CNTN5: variants seen among roughly 807,000 people sequenced by gnomAD.
The protein encoded by CNTN5 is contactin 5.
CNTN5 carries 77 observed loss-of-function variants against 129.1 expected under a neutral mutation model. That is an observed-to-expected ratio of 0.60 (90% CI 0.50 to 0.72). CNTN5 has a LOEUF of 0.72. CNTN5 is among the 30% of genes least tolerant of loss of function. The pLI, the probability that CNTN5 is intolerant of heterozygous loss-of-function variation, is 0.00. For missense variants in CNTN5, 1,478 were observed against 1,328.8 expected (o/e 1.11, Z -1.75); for synonymous variants, 509 against 465.6 (o/e 1.09, Z -1.20).
At chr11:99,535,200 T>A (rs554076778) in intron 2 of CNTN5, among the ~76,000 whole-genome samples, 2 of 152,290 alleles carry the variant, frequency 1.3e-5, no homozygotes, top group East Asian at 3.9e-4. Flanking sequence ...GTGGCATTAT[T>A]GAAAGACAAG....
At chr11:99,762,343 G>T (rs1252846939) in intron 3 of CNTN5, among the ~76,000 whole-genome samples, 3 of 151,844 alleles carry the variant, frequency 2.0e-5, no homozygotes, top group African/African-American at 4.8e-5. Context: ...CCTTGCCCAT[G>T]CCTGTGTCCT....
At chr11:100,207,413 T>C (rs1249913121) in intron 15 of CNTN5, among the ~76,000 whole-genome samples, 1 of 152,110 alleles carries the variant, frequency 6.6e-6, no homozygotes, top group Non-Finnish European at 1.5e-5. Context: ...TTACACATTC[T>C]ATAAAACCAA....
At chr11:100,115,444 C>A (rs1338123969) in intron 13 of CNTN5, among the ~76,000 whole-genome samples, 1 of 152,014 alleles carries the variant, frequency 6.6e-6, no homozygotes, top group Non-Finnish European at 1.5e-5. Flanking sequence ...TAACAAAAAA[C>A]AATTCAAAAC....
chr11:99,223,121 C>A (rs1860487869), intron 1 of CNTN5, among the ~76,000 whole-genome samples: 1 of 152,080 alleles, frequency 6.6e-6, no homozygotes, highest in Non-Finnish European at 1.5e-5. Context: ...GGGACCAGAC[C>A]TTGTCGATAG....
intron 2 of CNTN5, among the ~76,000 whole-genome samples, chr11:99,402,578 T>C (rs1941868859): frequency 6.6e-6 from 1 of 152,214 alleles, no homozygotes. Context: ...ATCAGGATAA[T>C]ACTGACATCG....
chr11:99,127,958 GT>G (rs1858727587), intron 1 of CNTN5, among the ~76,000 whole-genome samples: 1 of 152,084 alleles, frequency 6.6e-6, no homozygotes, highest in South Asian at 2.1e-4. Context: ...GGTGTTAATA[GT>G]TTTTATTTAT....
chr11:99,219,652 T>A (rs148295885), intron 1 of CNTN5, among the ~76,000 whole-genome samples: 1 of 127,102 alleles, frequency 7.9e-6, no homozygotes, highest in Non-Finnish European at 1.6e-5. Context: ...TTGTCTTACT[T>A]TGAGTAAGAT....
chr11:100,318,758 T>C (rs531799643), intron 21 of CNTN5, among the ~76,000 whole-genome samples: 1 of 152,270 alleles, frequency 6.6e-6, no homozygotes, highest in East Asian at 1.9e-4. Flanking sequence ...CACAGATACA[T>C]ACAGACATGG....
intron 1 of CNTN5, among the ~76,000 whole-genome samples, chr11:99,029,247 C>T (rs10892661): frequency 0.21 from 31,295 of 151,342 alleles, 3,732 homozygotes; most frequent in East Asian, 0.33. Context: ...GAGACACAAT[C>T]CTGTTCTAAT....
chr11:99,812,480 A>T (rs1946458786), intron 3 of CNTN5, among the ~76,000 whole-genome samples: 1 of 152,124 alleles, frequency 6.6e-6, no homozygotes, highest in Admixed American at 6.6e-5. Context: ...TAGAAAATGT[A>T]TTGAGTTCTT....
At chr11:99,268,379 T>C (rs1194608022) in intron 1 of CNTN5, among the ~76,000 whole-genome samples, 1 of 151,806 alleles carries the variant, frequency 6.6e-6, no homozygotes, top group Non-Finnish European at 1.5e-5. Flanking sequence ...AATGAGATTA[T>C]TTTTAATAAA....
chr11:100,205,243 G>T (rs1346932727), intron 15 of CNTN5, among the ~76,000 whole-genome samples: 1 of 151,876 alleles, frequency 6.6e-6, no homozygotes, highest in African/African-American at 2.4e-5. Context: ...TTCGGCATCT[G>T]TTTTGTATTA....
At chr11:100,072,490 AT>A (rs1375610000) in intron 12 of CNTN5, among the ~76,000 whole-genome samples, 1 of 152,092 alleles carries the variant, frequency 6.6e-6, no homozygotes, top group Non-Finnish European at 1.5e-5. Flanking sequence ...ATTGGAATGA[AT>A]TTTACTTTTC....
chr11:99,039,499 A>G (rs1399402067), intron 1 of CNTN5, among the ~76,000 whole-genome samples: 1 of 152,188 alleles, frequency 6.6e-6, no homozygotes, highest in Non-Finnish European at 1.5e-5. Context: ...TTGCCTCAAT[A>G]GAAAACACTA....
intron 21 of CNTN5, among the ~76,000 whole-genome samples, chr11:100,326,855 G>C (rs564665805): frequency 1.3e-5 from 2 of 152,292 alleles, no homozygotes; most frequent in South Asian, 4.1e-4. Context: ...TAGCCATTTG[G>C]AGAACTGTGA....
At chr11:99,911,290 C>T (rs536932658) in intron 6 of CNTN5, among the ~76,000 whole-genome samples, 1 of 151,960 alleles carries the variant, frequency 6.6e-6, no homozygotes, top group Non-Finnish European at 1.5e-5. Context: ...GTCTAAAACT[C>T]ATTAGGGCCA....
intron 3 of CNTN5, among the ~76,000 whole-genome samples, chr11:99,666,708 A>G (rs1425623082): frequency 2.0e-5 from 3 of 152,150 alleles, no homozygotes. Context: ...ACTGCTGCAT[A>G]AAACTAAAGA....
chr11:99,360,803 T>C (rs763559589), intron 2 of CNTN5, among the ~76,000 whole-genome samples: 2 of 152,222 alleles, frequency 1.3e-5, no homozygotes, highest in Non-Finnish European at 2.9e-5. Context: ...CTCCTGAACA[T>C]GCTTTTATTC....
chr11:100,343,119 TG>T (rs1952202668), intron 23 of CNTN5, among the ~76,000 whole-genome samples: 1 of 152,160 alleles, frequency 6.6e-6, no homozygotes, highest in Admixed American at 6.6e-5. Flanking sequence ...ACAAAGAAAC[TG>T]ATCGTTAAAA....
Sources: allele counts gnomAD v4.1 joint callset (sites outside exome capture counted in the v4.1 genomes callset), GRCh38; gene constraint gnomAD v4.1.1; transcripts MANE v1.5; gene names NCBI Gene and HGNC (gene_info 2026-07-23, HGNC 2026-07-21).